The following EIF3E variants were observed in gnomAD, a reference collection of about 807,000 sequenced individuals.
The protein encoded by EIF3E is eukaryotic translation initiation factor 3 subunit E.
In EIF3E, 25 loss-of-function variants were observed where a neutral mutation model predicts 59.3. That is an observed-to-expected ratio of 0.42 (90% CI 0.31 to 0.59). EIF3E has a LOEUF of 0.59. Ranked by LOEUF, EIF3E falls within the 20% of genes least tolerant of loss-of-function variation. The pLI is 0.15. For synonymous variants in EIF3E, 176 were observed against 170.2 expected (o/e 1.03, Z -0.26); for missense variants, 317 against 534.3 (o/e 0.59, Z 4.01).
chr8:108,233,836 CAAAAAAAAAAAA>C (rs35065360), intron 5 of EIF3E, among the ~76,000 whole-genome samples: 3 of 74,032 alleles, frequency 4.1e-5, no homozygotes, highest in South Asian at 1.2e-3. Context: ...GACCCTGTCT[CAAAAAAAAAAAA>C]AAAAAAAAAA....
chr8:108,243,009 G>A (rs915202129), intron 1 of EIF3E, among the ~76,000 whole-genome samples: 3 of 152,162 alleles, frequency 2.0e-5, no homozygotes, highest in Non-Finnish European at 2.9e-5. Flanking sequence ...ACAAATGGGT[G>A]CATATAGTCA....
chr8:108,232,106 C>G (rs1469959265), intron 5 of EIF3E, among the ~76,000 whole-genome samples: 1 of 152,096 alleles, frequency 6.6e-6, no homozygotes, highest in Non-Finnish European at 1.5e-5. Context: ...CATCCCAAAT[C>G]CAAACAAGAT....
chr8:108,228,008 G>A (rs1815551070), intron 7 of EIF3E: 1 of 289,226 alleles, frequency 3.5e-6, no homozygotes. Flanking sequence ...TGAGTCCTGA[G>A]ATTCTATATG....
intron 1 of EIF3E, chr8:108,242,746 G>C (rs1178278151): frequency 1.1e-6 from 1 of 901,970 alleles, no homozygotes; most frequent in Admixed American, 5.3e-5. Context: ...CTAAAAGATA[G>C]GCACTTCGCA....
At chr8:108,230,575 T>C (rs1390717490) in intron 5 of EIF3E, among the ~76,000 whole-genome samples, 1 of 152,106 alleles carries the variant, frequency 6.6e-6, no homozygotes, top group East Asian at 1.9e-4. Context: ...CTGAGATTCT[T>C]CCTTTCAAAT....
intron 2 of EIF3E, among the ~76,000 whole-genome samples, chr8:108,240,719 C>G (rs941172336): frequency 6.6e-6 from 1 of 152,192 alleles, no homozygotes; most frequent in Admixed American, 6.5e-5. Flanking sequence ...CAAGGGCGCA[C>G]GCCTGTAACC....
intron 1 of EIF3E, 118 bp from the exon 2 acceptor site, chr8:108,242,031 AC>A: frequency 8.1e-7 from 1 of 1,229,716 alleles, no homozygotes; most frequent in Admixed American, 2.7e-5. Context: ...AATACGATAA[AC>A]CATTAACATT....
chr8:108,246,284 TG>T (rs59396353), intron 1 of EIF3E, among the ~76,000 whole-genome samples: 5,459 of 126,276 alleles, frequency 0.043, 131 homozygotes, highest in South Asian at 0.068. Context: ...TAAGGGGGTG[TG>T]GGGGGGGGGG....
At chr8:108,235,640 A>G (rs763130940) in intron 4 of EIF3E, among the ~76,000 whole-genome samples, 57 of 152,216 alleles carry the variant, frequency 3.7e-4, no homozygotes, top group Non-Finnish European at 4.7e-4. Context: ...AACACAAGGG[A>G]AATAAGATTG....
intron 10 of EIF3E, among the ~76,000 whole-genome samples, chr8:108,212,976 C>T (rs556255294): frequency 2.0e-5 from 3 of 152,052 alleles, no homozygotes; most frequent in South Asian, 4.1e-4. Flanking sequence ...TCTGAAAATG[C>T]TTTGTAGATT....
chr8:108,239,632 C>A (rs950453345), intron 3 of EIF3E, among the ~76,000 whole-genome samples: 27 of 152,120 alleles, frequency 1.8e-4, no homozygotes, highest in Admixed American at 4.6e-4. Context: ...CCCTATAGCA[C>A]CCCTCCAGTT....
At chr8:108,241,335 G>C (rs1272555417) in intron 2 of EIF3E, among the ~76,000 whole-genome samples, 9 of 151,874 alleles carry the variant, frequency 5.9e-5, no homozygotes, top group Admixed American at 1.3e-4. Flanking sequence ...CTGGTGTGTG[G>C]CCAAAAACCT....
chr8:108,205,173 G>C (rs980010517), intron 10 of EIF3E, among the ~76,000 whole-genome samples: 2 of 152,100 alleles, frequency 1.3e-5, no homozygotes, highest in Non-Finnish European at 2.9e-5. Context: ...TGATACATCA[G>C]TTAGGTGCTT....
chr8:108,228,163 G>C, intron 7 of EIF3E, 104 bp downstream of exon 7: 2 of 1,247,686 alleles, frequency 1.6e-6, no homozygotes, highest in Non-Finnish European at 2.1e-6. Context: ...AAAAAAAACA[G>C]GTGACAACAA....
chr8:108,204,731 G>GTATATATATATA (rs148053969), intron 10 of EIF3E, among the ~76,000 whole-genome samples: 221 of 86,090 alleles, frequency 2.6e-3, no homozygotes, highest in East Asian at 6.5e-3. Flanking sequence ...TAGTATGTAT[G>GTATATATATATA]TATATATATA....
chr8:108,206,588 A>G (rs1402124835), intron 10 of EIF3E, among the ~76,000 whole-genome samples: 3 of 144,842 alleles, frequency 2.1e-5, no homozygotes, highest in South Asian at 2.2e-4. Context: ...TTCTGTGCAC[A>G]TGTGCACACA....
At position 108,239,040 on chromosome 8, in the gene EIF3E, C is replaced by A. The variant is rs138794189; in HGVS notation, c.323+918G>T. 4.3e-3 allele frequency among the ~76,000 whole-genome samples: 651 copies of A among 152,218 alleles called. 4 individuals are homozygous for A. The highest frequency in any genetic ancestry group is 0.015 in the African/African-American group (616 of 41,532). ...GAAGTTAGGAATAAAATAATCTTAT[C>A]AGCTCAAAACTACCCTCCTTGGGCA... is the stretch of plus-strand genomic sequence containing the variant. On this transcript the variant is annotated intron_variant, in intron 3 of 12. Coordinates refer to ENST00000220849, the MANE Select transcript of EIF3E (RefSeq NM_001568.3).
intron 7 of EIF3E, among the ~76,000 whole-genome samples, chr8:108,219,736 A>C (rs1815370652): frequency 6.6e-6 from 1 of 151,934 alleles, no homozygotes; most frequent in Non-Finnish European, 1.5e-5. Flanking sequence ...AATAAAATTG[A>C]GGTGGAGGAT....
chr8:108,206,604 A>ATG (rs1315686753), intron 10 of EIF3E, among the ~76,000 whole-genome samples: 17 of 148,770 alleles, frequency 1.1e-4, no homozygotes, highest in African/African-American at 3.5e-4. Context: ...ACACACACAC[A>ATG]CACACACACA....
Sources: gnomAD v4.1 joint callset for allele counts (sites outside exome capture counted in the v4.1 genomes callset) on GRCh38, gnomAD v4.1.1 for gene constraint, MANE v1.5 for transcripts, NCBI Gene and HGNC (gene_info 2026-07-23, HGNC 2026-07-21) for gene names.